The following KCNQ3 variants were observed in gnomAD, a reference collection of about 807,000 sequenced individuals.
KCNQ3 encodes the protein potassium voltage-gated channel subfamily Q member 3.
A neutral mutation model predicts 92.5 loss-of-function variants in KCNQ3; 30 were observed. The observed-to-expected ratio is 0.32, with a 90% CI of 0.24 to 0.44. The LOEUF is 0.44. KCNQ3 is among the 20% of genes least tolerant of loss of function. The pLI is 1.00. For missense variants in KCNQ3, 913 were observed against 1,140.3 expected (o/e 0.80, Z 2.87); for synonymous variants, 450 against 468.8 (o/e 0.96, Z 0.52).
At chr8:132,186,929 T>A (rs1190117125) in intron 1 of KCNQ3, among the ~76,000 whole-genome samples, 1,667 of 98,524 alleles carry the variant, frequency 0.017, 73 homozygotes, top group African/African-American at 0.059. Flanking sequence ...TGTGTGTGTG[T>A]GTGTGAGAGA....
intron 1 of KCNQ3, among the ~76,000 whole-genome samples, chr8:132,372,713 T>C (rs1401369847): frequency 1.6e-5 from 2 of 123,426 alleles, no homozygotes; most frequent in African/African-American, 7.9e-5. Context: ...GCCAAGATCG[T>C]GCCATTGCAC....
intron 1 of KCNQ3, among the ~76,000 whole-genome samples, chr8:132,399,794 T>G (rs1820288514): frequency 6.6e-6 from 1 of 152,170 alleles, no homozygotes; most frequent in African/African-American, 2.4e-5. Flanking sequence ...CTGTTTGGCT[T>G]CAGATAAACA....
At chr8:132,235,375 T>G (rs1349011975) in intron 1 of KCNQ3, among the ~76,000 whole-genome samples, 1 of 152,106 alleles carries the variant, frequency 6.6e-6, no homozygotes, top group Non-Finnish European at 1.5e-5. Flanking sequence ...TGGTGGCAGG[T>G]GCCTGTAACC....
chr8:132,385,284 C>T (rs1371078392), intron 1 of KCNQ3, among the ~76,000 whole-genome samples: 1 of 152,270 alleles, frequency 6.6e-6, no homozygotes, highest in Non-Finnish European at 1.5e-5. Context: ...CTTTCCTTCC[C>T]TTCTACAGTT....
intron 1 of KCNQ3, among the ~76,000 whole-genome samples, chr8:132,390,256 T>C (rs1358896141): frequency 6.6e-6 from 1 of 152,142 alleles, no homozygotes; most frequent in African/African-American, 2.4e-5. Context: ...AATGAAAGCA[T>C]ACAATAAGGT....
At position 132,120,970 on chromosome 8, in the gene KCNQ3, A is replaced by G. The variant is rs953144343; in HGVS notation, c.*8292T>C. ...ATATATATGGAAATCAACCTATTAA[A>G]GTTGTTCAAATATTGGACAGAGCCA... On this transcript the variant is annotated 3_prime_UTR_variant, in exon 15 of 15. Coordinates refer to ENST00000388996, the MANE Select transcript of KCNQ3 (RefSeq NM_004519.4). 2 of 152,248 alleles carry G rather than the reference A, an allele frequency of 1.3e-5. No homozygotes were observed. The highest frequency in any genetic ancestry group is 4.8e-5 in the African/African-American group (2 of 41,464). 9.4% of individuals were successfully genotyped at this position (152,248 alleles called of 1,614,324 possible).
At position 132,125,365 on chromosome 8, in the gene KCNQ3, G is replaced by C. The variant is rs191691741; in HGVS notation, c.*3897C>G. On this transcript the variant is annotated 3_prime_UTR_variant, in exon 15 of 15. Coordinates refer to ENST00000388996, the MANE Select transcript of KCNQ3 (RefSeq NM_004519.4). ...TCTGTCTGTATAGAGTTGTTTGCAG[G>C]GATGAAATCAGGTATTTTATTTTCC... 238 of 152,208 alleles carry C rather than the reference G, an allele frequency of 1.6e-3. No homozygotes were observed. Among genetic ancestry groups the C allele is most frequent in the Non-Finnish European group, 2.0e-3 (139 of 68,014 alleles). The allele number at this position is 152,208 out of a possible 1,614,324, so 9.4% of individuals were successfully genotyped here.
At chr8:132,278,282 G>C in intron 1 of KCNQ3, 1 of 850,024 alleles carries the variant, frequency 1.2e-6, no homozygotes, top group Non-Finnish European at 1.4e-6. Context: ...TTGCAATTTA[G>C]ACTGTGCTTC....
chr8:132,186,923 T>TGA (rs1826974882), intron 1 of KCNQ3, among the ~76,000 whole-genome samples: 1 of 96,042 alleles, frequency 1.0e-5, no homozygotes, highest in African/African-American at 4.5e-5. Context: ...TGTGTGTGTG[T>TGA]GTGTGTGTGT....
intron 1 of KCNQ3, among the ~76,000 whole-genome samples, chr8:132,304,762 C>T (rs984148038): frequency 6.6e-6 from 1 of 151,984 alleles, no homozygotes; most frequent in Non-Finnish European, 1.5e-5. Flanking sequence ...AGTCACCTTG[C>T]ATATTGTTTA....
chr8:132,406,195 A>T (rs183226745), intron 1 of KCNQ3, among the ~76,000 whole-genome samples: 1 of 152,262 alleles, frequency 6.6e-6, no homozygotes, highest in African/African-American at 2.4e-5. Context: ...GTCAGAACAG[A>T]TGTTGGGCTT....
At chr8:132,442,730 A>C (rs1459730727) in intron 1 of KCNQ3, among the ~76,000 whole-genome samples, 1 of 152,172 alleles carries the variant, frequency 6.6e-6, no homozygotes. Context: ...CCCAGAAGAA[A>C]TATCCAGGGC....
At chr8:132,402,892 C>T (rs1023735623) in intron 1 of KCNQ3, among the ~76,000 whole-genome samples, 1 of 151,418 alleles carries the variant, frequency 6.6e-6, no homozygotes, top group Non-Finnish European at 1.5e-5. Flanking sequence ...CAGTGCATGC[C>T]TGTAGTCCCA....
chr8:132,148,534 T>C lies in KCNQ3; in HGVS notation c.1263-7203A>G, dbSNP rs563503674. Among the ~76,000 whole-genome samples, 14 of 152,330 alleles carry C rather than the reference T, an allele frequency of 9.2e-5. No homozygotes were observed. In the South Asian group the frequency reaches 2.9e-3, roughly 32 times the overall value. On this transcript the variant is annotated intron_variant, in intron 9 of 14. Transcript: ENST00000388996. ...CTATCCTTTGTGTGATGGTTAATTT[T>C]ATGTGTCAACTTGACTGAGCCAAGG... is the stretch of plus-strand genomic sequence containing the variant.
chr8:132,172,453 A>G, intron 7 of KCNQ3, 145 bp downstream of exon 7: 1 of 771,410 alleles, frequency 1.3e-6, no homozygotes, highest in Non-Finnish European at 2.3e-6. Context: ...CAAGACACAC[A>G]GACACACATG....
chr8:132,341,197 G>T (rs1023617082), intron 1 of KCNQ3, among the ~76,000 whole-genome samples: 9 of 152,222 alleles, frequency 5.9e-5, no homozygotes, highest in Non-Finnish European at 2.9e-5. Flanking sequence ...TGAGGAAGAG[G>T]TCTCCTCTTG....
chr8:132,209,545 A>T (rs1052786087), intron 1 of KCNQ3, among the ~76,000 whole-genome samples: 1 of 108,444 alleles, frequency 9.2e-6, no homozygotes. Flanking sequence ...ACACACACAA[A>T]CACACACACA....
chr8:132,462,285 G>A (rs375195534), intron 1 of KCNQ3, among the ~76,000 whole-genome samples: 7 of 152,036 alleles, frequency 4.6e-5, no homozygotes, highest in African/African-American at 1.4e-4. Flanking sequence ...TGCAATCTCC[G>A]CCTCCTGGAT....
chr8:132,378,431 G>C (rs893842561), intron 1 of KCNQ3, among the ~76,000 whole-genome samples: 3 of 152,054 alleles, frequency 2.0e-5, no homozygotes, highest in African/African-American at 7.3e-5. Context: ...CATTAAAAAG[G>C]AGGTAAATAT....
Sources: gnomAD v4.1 joint callset for allele counts (sites outside exome capture counted in the v4.1 genomes callset) on GRCh38, gnomAD v4.1.1 for gene constraint, MANE v1.5 for transcripts, NCBI Gene and HGNC (gene_info 2026-07-23, HGNC 2026-07-21) for gene names.